The following ZFAND3 variants were observed in gnomAD, a reference collection of about 807,000 sequenced individuals.
ZFAND3 encodes AN1-type zinc finger protein 3.
ZFAND3 carries 10 observed loss-of-function variants against 29.6 expected under a neutral mutation model. The observed-to-expected ratio is 0.34, with a 90% CI of 0.21 to 0.57. The LOEUF is 0.57. Ranked by LOEUF, ZFAND3 falls within the 20% of genes least tolerant of loss-of-function variation. The pLI is 0.86. For missense variants in ZFAND3, 230 were observed against 304.5 expected, an observed-to-expected ratio of 0.76 and a Z score of 1.82; for synonymous variants, 128 against 112.6, an observed-to-expected ratio of 1.14 and a Z score of -0.87.
intron 2 of ZFAND3, among the ~76,000 whole-genome samples, chr6:37,966,355 G>T (rs1762293133): frequency 6.6e-6 from 1 of 152,188 alleles, no homozygotes; most frequent in Admixed American, 6.5e-5. Context: ...AGAGAAATTA[G>T]AATTTTCAGT....
At chr6:37,999,985 A>G (rs1236686275) in intron 2 of ZFAND3, among the ~76,000 whole-genome samples, 1 of 152,214 alleles carries the variant, frequency 6.6e-6, no homozygotes, top group African/African-American at 2.4e-5. Context: ...TAAAACTATT[A>G]CTAAAAAATA....
chr6:37,931,041 T>C (rs1252009658), intron 2 of ZFAND3, among the ~76,000 whole-genome samples: 1 of 152,208 alleles, frequency 6.6e-6, no homozygotes, highest in African/African-American at 2.4e-5. Flanking sequence ...TTTAAAAAGA[T>C]TGGTAAAATA....
intron 2 of ZFAND3, among the ~76,000 whole-genome samples, chr6:38,057,698 T>G (rs1241460901): frequency 2.0e-5 from 3 of 152,194 alleles, no homozygotes; most frequent in Non-Finnish European, 4.4e-5. Context: ...TGCACAGACT[T>G]TGGCATGGAA....
At chr6:37,906,022 T>C (rs2127402656) in intron 1 of ZFAND3, among the ~76,000 whole-genome samples, 1 of 152,298 alleles carries the variant, frequency 6.6e-6, no homozygotes, top group South Asian at 2.1e-4. Context: ...GGCAGAGTTT[T>C]ATTTTTAAAT....
intron 4 of ZFAND3, among the ~76,000 whole-genome samples, chr6:38,094,397 A>G (rs1384526154): frequency 6.6e-6 from 1 of 152,180 alleles, no homozygotes; most frequent in Non-Finnish European, 1.5e-5. Context: ...ATTTTTATAA[A>G]AGTAACATAT....
chr6:38,138,225 C>G (rs1765880235), intron 5 of ZFAND3, among the ~76,000 whole-genome samples: 1 of 152,104 alleles, frequency 6.6e-6, no homozygotes, highest in Non-Finnish European at 1.5e-5. Flanking sequence ...GATGCATGGA[C>G]TCTCAAGAAT....
At chr6:38,149,852 G>T (rs1244424006) in intron 5 of ZFAND3, among the ~76,000 whole-genome samples, 1 of 152,196 alleles carries the variant, frequency 6.6e-6, no homozygotes, top group East Asian at 1.9e-4. Context: ...AGAGAGGAGA[G>T]CCCTTGGGAC....
At chr6:37,890,834 G>T (rs968463184) in intron 1 of ZFAND3, among the ~76,000 whole-genome samples, 1 of 152,084 alleles carries the variant, frequency 6.6e-6, no homozygotes, top group African/African-American at 2.4e-5. Context: ...TTTTTATTTT[G>T]AAACAATTTA....
Position 38,037,998 on chromosome 6 carries a change from G to A in ZFAND3, c.113-23595G>A, listed in dbSNP as rs932229296. ...TGAGGGGGTTATGTGGAAGAAGAAC[G>A]TGAGCTAATTAGCCAAAGAACAGAG... On this transcript the variant is annotated intron_variant, in intron 2 of 5. Transcript: ENST00000287218. Among the ~76,000 whole-genome samples the A allele has an allele frequency of 1.1e-4, 16 of 152,172 alleles. 1 individual carries two copies. The highest frequency in any genetic ancestry group is 3.4e-4 in the African/African-American group (14 of 41,446).
chr6:37,977,828 T>TTTTCTTCCTTCCTTCCTTCC (rs70981515), intron 2 of ZFAND3, among the ~76,000 whole-genome samples: 8,575 of 76,288 alleles, frequency 0.11, 1,941 homozygotes, highest in Admixed American at 0.17. Context: ...GTAAAATGCT[T>TTTTCTTCCTTCCTTCCTTCC]TTCCTTCCTT....
chr6:38,109,418 G>A (rs561993983), intron 4 of ZFAND3, among the ~76,000 whole-genome samples: 1 of 152,002 alleles, frequency 6.6e-6, no homozygotes, highest in Non-Finnish European at 1.5e-5. Flanking sequence ...CCTTGACTTC[G>A]TGATCTGCCC....
chr6:38,062,274 C>G (rs1764256384), intron 3 of ZFAND3: 1 of 154,024 alleles, frequency 6.5e-6, no homozygotes, highest in Non-Finnish European at 1.4e-5. Flanking sequence ...TGAGATAGCA[C>G]TATACTTCAT....
intron 2 of ZFAND3, among the ~76,000 whole-genome samples, chr6:37,987,773 G>C (rs879877887): frequency 6.6e-6 from 1 of 152,200 alleles, no homozygotes; most frequent in African/African-American, 2.4e-5. Context: ...GGGGTGACAT[G>C]CCAATTCTCC....
At chr6:37,943,363 A>G (rs1761845284) in intron 2 of ZFAND3, among the ~76,000 whole-genome samples, 1 of 152,118 alleles carries the variant, frequency 6.6e-6, no homozygotes, top group Non-Finnish European at 1.5e-5. Context: ...TCTCCTCAAC[A>G]CTGTTTTAAC....
At chr6:37,914,291 C>T (rs541287501) in intron 1 of ZFAND3, among the ~76,000 whole-genome samples, 17 of 152,292 alleles carry the variant, frequency 1.1e-4, no homozygotes, top group Non-Finnish European at 1.0e-4. Context: ...GATGTGCTAT[C>T]TTCCAGACCC....
rs1249891258 is a variant in ZFAND3 at position 38,090,406 on chromosome 6, G to C, written c.361+7949G>C. On this transcript the variant is annotated intron_variant, in intron 4 of 5. Coordinates refer to ENST00000287218, the MANE Select transcript of ZFAND3 (RefSeq NM_021943.3). ...CAAAACAGTAAATCTGTCATGGCAA[G>C]GAAAAAGTATTTAAATAAATGTTTT... 2.6e-5 allele frequency among the ~76,000 whole-genome samples: 4 copies of C among 152,226 alleles called. No individual in the cohort carries two copies. The East Asian group carries it at 7.7e-4, about 29-fold the overall frequency.
intron 1 of ZFAND3, among the ~76,000 whole-genome samples, chr6:37,875,733 A>C (rs1232591165): frequency 6.6e-6 from 1 of 150,968 alleles, no homozygotes; most frequent in Non-Finnish European, 1.5e-5. Flanking sequence ...ATCACAGTTC[A>C]CTGCAGCCTT....
intron 4 of ZFAND3, among the ~76,000 whole-genome samples, chr6:38,083,240 C>T (rs1463512711): frequency 6.6e-6 from 1 of 152,170 alleles, no homozygotes; most frequent in East Asian, 1.9e-4. Flanking sequence ...ACACTGCAAC[C>T]TCAGCTCCTT....
In ZFAND3 at chr6:38,111,726, CTG is replaced by C. The variant is rs1457168219; in HGVS notation, c.362-4840_362-4839del. Among the ~76,000 whole-genome samples the C allele has an allele frequency of 4.6e-5, 7 of 151,922 alleles. No individual in the cohort carries two copies. In the South Asian group the frequency reaches 1.2e-3, roughly 27 times the overall value. The stretch of plus-strand genomic sequence containing the variant: ...AACATGCAAAATATGTGTTAATTGT[CTG>C]TGTGTTATCAGTGAGACTTCTGGTC... On this transcript the variant is annotated intron_variant, in intron 4 of 5. Coordinates refer to ENST00000287218, the MANE Select transcript of ZFAND3 (RefSeq NM_021943.3).
Sources: gnomAD v4.1 joint callset for allele counts (sites outside exome capture counted in the v4.1 genomes callset) on GRCh38, gnomAD v4.1.1 for gene constraint, MANE v1.5 for transcripts, NCBI Gene and HGNC (gene_info 2026-07-23, HGNC 2026-07-21) for gene names.